Variants in ARAP1 observed in about 807,000 individuals in gnomAD.
ARAP1 encodes arf-GAP with Rho-GAP domain, ANK repeat and PH domain-containing protein 1.
Under a neutral mutation model 172.2 loss-of-function variants are expected in ARAP1, and 76 were observed. The ratio of observed to expected loss-of-function variants is 0.44; its 90% CI spans 0.37 to 0.53. The LOEUF is 0.53. ARAP1 is among the 20% of genes least tolerant of loss of function. The pLI is 0.00. For missense variants in ARAP1, 1,686 were observed against 1,977.5 expected (o/e 0.85, Z 2.80); for synonymous variants, 804 against 803.3 (o/e 1.00, Z -0.01).
intron 8 of ARAP1, 84 bp downstream of exon 8, chr11:72,711,346 C>T: frequency 1.3e-6 from 2 of 1,536,886 alleles, no homozygotes; most frequent in South Asian, 1.1e-5. Context: ...GAGGACTCCT[C>T]TGGGGAGGGA....
intron 1 of ARAP1, among the ~76,000 whole-genome samples, chr11:72,750,320 T>C (rs1296942806): frequency 6.6e-6 from 1 of 152,072 alleles, no homozygotes; most frequent in Non-Finnish European, 1.5e-5. Flanking sequence ...CCCCTCCCCC[T>C]ACCCTGGGAA....
intron 1 of ARAP1, among the ~76,000 whole-genome samples, chr11:72,738,511 A>G (rs1331666109): frequency 6.6e-6 from 1 of 152,042 alleles, no homozygotes; most frequent in Non-Finnish European, 1.5e-5. Flanking sequence ...CCCTATGGGG[A>G]GCAAGGAGGG....
chr11:72,696,961 G>T, intron 22 of ARAP1, 22 bp downstream of exon 22: 1 of 1,593,028 alleles, frequency 6.3e-7, no homozygotes, highest in Non-Finnish European at 8.5e-7. Flanking sequence ...GGAGGAGGCT[G>T]GGCACGGGCT....
At chr11:72,697,821 C>A in intron 19 of ARAP1, 90 bp downstream of exon 19, 6 of 1,488,068 alleles carry the variant, frequency 4.0e-6, no homozygotes, top group Middle Eastern at 1.9e-4. Flanking sequence ...CCAGGCCAGG[C>A]AGAGTTCAGA....
rs2135524677 is a variant in ARAP1 at position 72,704,278 on chromosome 11, G to C, written c.1866C>G (p.Pro622=). 1 of 1,612,434 alleles carries C rather than the reference G, an allele frequency of 6.2e-7. No individual in the cohort carries two copies. Among genetic ancestry groups the C allele is most frequent in the East Asian group, 2.2e-5 (1 of 44,866 alleles). Residue 622 remains proline, a synonymous_variant, in exon 14 of 35, where the codon CCC becomes CCG. Transcript: ENST00000393609. ...AGNRFWAANV[P]PSEALQPSSS... ...TGCTGGGCTGCAGGGCCTCACTGGGGGGCACGTTGGCTGCCCAGAAGCGGT... is the reference window on the plus strand; with the variant it reads ...TGCTGGGCTGCAGGGCCTCACTGGGCGGCACGTTGGCTGCCCAGAAGCGGT...
intron 1 of ARAP1, among the ~76,000 whole-genome samples, chr11:72,751,343 G>A (rs1858525842): frequency 6.6e-6 from 1 of 152,084 alleles, no homozygotes; most frequent in Admixed American, 6.5e-5. Context: ...CCTTTGGAGG[G>A]TCCTTATCCT....
chr11:72,714,452 GCA>G, intron 3 of ARAP1, 131 bp from the exon 4 acceptor site: 1 of 897,198 alleles, frequency 1.1e-6, no homozygotes, highest in Non-Finnish European at 1.7e-6. Flanking sequence ...GAGCCCTCCT[GCA>G]CACAGTCCTC....
intron 31 of ARAP1, 49 bp from the exon 32 acceptor site, chr11:72,687,787 C>T (rs749424939): frequency 1.1e-5 from 17 of 1,602,140 alleles, no homozygotes; most frequent in Admixed American, 1.0e-4. Context: ...GCCATAGAGG[C>T]TCAACACCCC....
Position 72,740,573 on chromosome 11 carries a change from T to C in ARAP1, c.-127-7976A>G, listed in dbSNP as rs547356649. ...GTAGCTTTATCATTTAAGTATAACA[T>C]GCATAGATTACTAACAGAACTATTA... On this transcript the variant is annotated intron_variant, in intron 1 of 34. Transcript: ENST00000393609. 3.6e-4 allele frequency among the ~76,000 whole-genome samples: 55 copies of C among 152,304 alleles called. 1 individual carries two copies. In the South Asian group the frequency reaches 0.011, roughly 32 times the overall value.
intron 1 of ARAP1, among the ~76,000 whole-genome samples, chr11:72,733,505 T>A (rs149221236): frequency 6.6e-6 from 1 of 152,278 alleles, no homozygotes; most frequent in Non-Finnish European, 1.5e-5. Flanking sequence ...CAAAAGGGGA[T>A]GCTTCCAGGC....
Position 72,693,129 on chromosome 11 carries a change from G to A in ARAP1, c.3954+196C>T. The A allele has an allele frequency of 2.4e-6, 2 of 822,700 alleles. No homozygotes were observed. The highest frequency in any genetic ancestry group is 3.6e-5 in the South Asian group (2 of 55,412). 51.0% of individuals were successfully genotyped at this position (822,700 alleles called of 1,614,324 possible). ...GCATCCGGGTGCCAGGGCTTAGTGG[G>A]GCTACAGGGCACACTAGAGTGGCCG... is the stretch of plus-strand genomic sequence containing the variant. On this transcript the variant is annotated intron_variant, in intron 29 of 34. Transcript: ENST00000393609. This position sits in a 1 kb window ranked among gnomAD's most constrained non-coding sequence, Gnocchi z 4.6.
Position 72,726,798 on chromosome 11 carries a change from G to T in ARAP1, c.331C>A (p.Leu111Ile). The change falls in exon 3 of 35, where the codon CTC becomes ATC. Residue 111 changes from leucine (L) to isoleucine (I), a missense_variant. This residue lies in a region of ARAP1 where 190 missense variants were observed against 228.6 expected (regional missense o/e 0.83). Transcript: ENST00000393609. This position sits in a 1 kb window ranked among gnomAD's most constrained non-coding sequence, Gnocchi z 6.5. Reference sequence around the variant, plus strand: ...GGCGGGATGGGTGGGGCAGCGGGGAGCCCCTCATCCTCTGTAGTGGTGGGC... The same window carrying T: ...GGCGGGATGGGTGGGGCAGCGGGGATCCCCTCATCCTCTGTAGTGGTGGGC... ...PLPTTTEDEG[L>I]PAAPPIPPRR... 1 of 1,554,612 alleles carries T rather than the reference G, an allele frequency of 6.4e-7. No individual in the cohort carries two copies. The highest frequency in any genetic ancestry group is 8.7e-7 in the Non-Finnish European group (1 of 1,149,156).
rs1856136045 is a variant in ARAP1 at position 72,695,322 on chromosome 11, A to G, written c.3576+65T>C. On this transcript the variant is annotated intron_variant, in intron 26 of 34. Coordinates refer to ENST00000393609, the MANE Select transcript of ARAP1 (RefSeq NM_001040118.3). The surrounding 1 kb of genome is among the most constrained non-coding windows in gnomAD (Gnocchi z 4.4). ...GGGTAGAAGCACTGCTCCCCTGGCC[A>G]TCTGAGCCTGTACCTGGCCCAGCCT... 1.2e-6 allele frequency: 2 copies of G among 1,603,832 alleles called. No homozygotes were observed. The highest frequency in any genetic ancestry group is 1.1e-5 in the South Asian group (1 of 90,588).
rs1856983911 is a variant in ARAP1, at chr11:72,710,909, G to A, written c.1213+112C>T. On this transcript the variant is annotated intron_variant, in intron 9 of 34. Transcript: ENST00000393609. The surrounding 1 kb of genome is among the most constrained non-coding windows in gnomAD (Gnocchi z 4.3). ...CTCACAAAGGCAGCATGCCTCCCCG[G>A]ATGTGATGTGAGAGGGCAGATGCAC... 1 of 1,560,678 alleles carries A rather than the reference G, an allele frequency of 6.4e-7. No homozygotes were observed.
At position 72,695,041 on chromosome 11, in the gene ARAP1, G is replaced by A. The variant is rs147580466; in HGVS notation, c.3633C>T (p.Asn1211=). The change falls in exon 27 of 35, where the codon AAC becomes AAT. Residue 1211 remains asparagine (N), a synonymous_variant. Transcript: ENST00000393609. The surrounding 1 kb of genome is among the most constrained non-coding windows in gnomAD (Gnocchi z 4.4). ...ELTLEILDRR[N]VGIREKDYWT... The stretch of plus-strand genomic sequence containing the variant: ...AATAGTCCTTCTCCCTGATGCCCAC[G>A]TTCCGGCGATCCAGGATCTCCAGGG... The A allele has an allele frequency of 4.8e-4, 777 of 1,614,074 alleles. 4 individuals carry two copies. The African/African-American group carries it at 8.9e-3, about 18-fold the overall frequency.
chr11:72,730,406 T>A (rs1224467754), intron 2 of ARAP1, among the ~76,000 whole-genome samples: 1 of 152,198 alleles, frequency 6.6e-6, no homozygotes, highest in African/African-American at 2.4e-5. Flanking sequence ...GTGGAATGCC[T>A]CTAGGCATGA....
rs58338853 is a variant in ARAP1 at position 72,734,841 on chromosome 11, CAA to C, written c.-127-2246_-127-2245del. 2.3e-3 allele frequency among the ~76,000 whole-genome samples: 244 copies of C among 103,848 alleles called. 3 individuals are homozygous for C. Among genetic ancestry groups the C allele is most frequent in the Admixed American group, 0.012 (111 of 9,372 alleles). 68.1% of individuals were successfully genotyped at this position (103,848 alleles called of 152,430 possible). A position where few individuals can be genotyped will look rare whatever the true frequency, so the allele number is the denominator to read the frequency against. On this transcript the variant is annotated intron_variant, in intron 1 of 34. Coordinates refer to ENST00000393609, the MANE Select transcript of ARAP1 (RefSeq NM_001040118.3). ...CACAGTGGATTTTGAAGACTGAGCA[CAA>C]AAAAAAAAAAAAAGAATGCAAAATA...
At chr11:72,704,505 TCCTGCCACCAGCACTGGGCTCTGAG>T (rs1856666099) in intron 13 of ARAP1, 171 bp from the exon 14 acceptor site, 1 of 681,100 alleles carries the variant, frequency 1.5e-6, no homozygotes, top group South Asian at 2.0e-5. Flanking sequence ...CTGGGGATGC[TCCTGCCACCAGCACTGGGCTCTGAG>T]CCTAGGTCTC....
intron 27 of ARAP1, among the ~76,000 whole-genome samples, chr11:72,694,096 C>T (rs961742112): frequency 1.3e-5 from 2 of 150,666 alleles, no homozygotes; most frequent in Admixed American, 1.3e-4. Flanking sequence ...GGAAACACCA[C>T]CACCACCCGC....
Sources: allele counts gnomAD v4.1 joint callset (sites outside exome capture counted in the v4.1 genomes callset), GRCh38; gene constraint gnomAD v4.1.1; regional missense constraint gnomAD v4.1.1; non-coding constraint Gnocchi (gnomAD v3.1); transcripts MANE v1.5; gene names NCBI Gene and HGNC (gene_info 2026-07-23, HGNC 2026-07-21).